The following PFAS variants were observed in gnomAD, a reference collection of about 807,000 sequenced individuals.
PFAS encodes FGAM synthase.
PFAS carries 97 observed loss-of-function variants against 140.6 expected under a neutral mutation model. The observed-to-expected ratio is 0.69, with a 90% CI of 0.59 to 0.82. The LOEUF (loss-of-function observed/expected upper bound fraction) is 0.82. PFAS is among the 40% of genes least tolerant of loss of function. The pLI is 0.00. For missense variants in PFAS, 1,656 were observed against 1,780.2 expected (o/e 0.93, Z 1.26); for synonymous variants, 679 against 718.8 (o/e 0.94, Z 0.88).
In PFAS at chr17:8,254,007, A is replaced by AGGAAACTGCAAG; in HGVS notation, c.80_91dup (p.Gln27_Leu30dup). The stretch of plus-strand genomic sequence containing the variant: ...GGGGGCAGCCCCTGGACACACTCGG[A>AGGAAACTGCAAG]GGAAACTGCAAGGGAAACTGCCAGA... On this transcript the variant is annotated inframe_insertion, in exon 2 of 28. Transcript: ENST00000314666. The AGGAAACTGCAAG allele has an allele frequency of 1.9e-6, 3 of 1,614,094 alleles. No homozygotes were observed. Among genetic ancestry groups the AGGAAACTGCAAG allele is most frequent in the Non-Finnish European group, 2.5e-6 (3 of 1,180,016 alleles).
In PFAS at chr17:8,267,516, C is replaced by T. The variant is rs1473811383; in HGVS notation, c.3268-35C>T. 1.5e-5 allele frequency: 24 copies of T among 1,587,178 alleles called. No homozygotes were observed. In the Admixed American group the frequency reaches 2.8e-4, roughly 19 times the overall value. Reference sequence around the variant, plus strand: ...TGATTGTCCAGCCTCAGCTGCGTGTCCTCCCACCCACACTCCCCCTCCCCA... The same window carrying T: ...TGATTGTCCAGCCTCAGCTGCGTGTTCTCCCACCCACACTCCCCCTCCCCA... On this transcript the variant is annotated intron_variant, in intron 25 of 27. Coordinates refer to ENST00000314666, the MANE Select transcript of PFAS (RefSeq NM_012393.3). This position sits in a 1 kb window ranked among gnomAD's most constrained non-coding sequence, Gnocchi z 4.9.
At position 8,268,850 on chromosome 17, in the gene PFAS, G is replaced by T. The variant is rs368785421; in HGVS notation, c.3700G>T (p.Gly1234Trp). The change falls in exon 27 of 28, where the codon GGG becomes TGG. Residue 1234 changes from glycine to tryptophan, a missense_variant. Gly to Trp is a radical substitution (Grantham distance 184). This residue lies in a region of PFAS where 883 missense variants were observed against 1,023.0 expected (regional missense o/e 0.86). Coordinates refer to ENST00000314666, the MANE Select transcript of PFAS (RefSeq NM_012393.3). ...GAVLPVWSAH[G>W]EGYVAFSSPE... ...CGTGCTGCCCGTGTGGAGTGCGCACGGGGAAGGTCAGGCCCAAGGAAGGCT... is the reference window on the plus strand; with the variant it reads ...CGTGCTGCCCGTGTGGAGTGCGCACTGGGAAGGTCAGGCCCAAGGAAGGCT... 6.2e-7 allele frequency: 1 copy of T among 1,609,498 alleles called. No homozygotes were observed. Among genetic ancestry groups the T allele is most frequent in the South Asian group, 1.1e-5 (1 of 91,042 alleles).
chr17:8,247,857 G>T, upstream of PFAS: 1 of 735,028 alleles, frequency 1.4e-6, no homozygotes, highest in Non-Finnish European at 2.4e-6. Flanking sequence ...CCAGTAAGAG[G>T]TAGGAGCGGA....
In PFAS at chr17:8,267,510, G is replaced by A. The variant is rs368985563; in HGVS notation, c.3268-41G>A. 21 of 1,594,018 alleles carry A rather than the reference G, an allele frequency of 1.3e-5. No homozygotes were observed. In the African/African-American group the frequency reaches 1.7e-4, roughly 13 times the overall value. ...TGGGGGTGATTGTCCAGCCTCAGCT[G>A]CGTGTCCTCCCACCCACACTCCCCC... On this transcript the variant is annotated intron_variant, in intron 25 of 27. Coordinates refer to ENST00000314666, the MANE Select transcript of PFAS (RefSeq NM_012393.3). This position sits in a 1 kb window ranked among gnomAD's most constrained non-coding sequence, Gnocchi z 4.9.
intron 1 of PFAS, among the ~76,000 whole-genome samples, chr17:8,251,348 C>T (rs1320260672): frequency 6.6e-6 from 1 of 152,052 alleles, no homozygotes; most frequent in Non-Finnish European, 1.5e-5. Context: ...GTGGCACAAT[C>T]GTAGCTCACT....
rs866028921 is a variant in PFAS, at chr17:8,265,075, G to A, written c.2230G>A (p.Val744Met). 1.4e-5 allele frequency: 22 copies of A among 1,613,272 alleles called. No homozygotes were observed. Among genetic ancestry groups the A allele is most frequent in the African/African-American group, 2.7e-5 (2 of 74,946 alleles). Reference protein sequence around the residue: ...LDPKVAARLAVAEALTNLVFA... With the variant: ...LDPKVAARLAMAEALTNLVFA... ...CCCAAAAGTCGCCGCCCGGCTGGCC[G>A]TGGCCGAAGCCCTCACCAACCTGGT... Residue 744 changes from valine to methionine, a missense_variant, in exon 18 of 28, where the codon GTG (valine) becomes ATG (methionine). Val to Met is a conservative substitution (Grantham distance 21, BLOSUM62 1). Transcript: ENST00000314666.
chr17:8,257,959 G>A (rs1989439022), intron 10 of PFAS, 21 bp downstream of exon 10: 1 of 1,613,564 alleles, frequency 6.2e-7, no homozygotes. Context: ...GGTGTGGAGG[G>A]ATGACAAACA....
chr17:8,257,445 A>G (rs1048354565), intron 9 of PFAS, among the ~76,000 whole-genome samples: 4 of 152,040 alleles, frequency 2.6e-5, no homozygotes, highest in Non-Finnish European at 4.4e-5. Flanking sequence ...AGTCCCAGCT[A>G]CTCAGGAGGC....
rs756156450 is a variant in PFAS at position 8,268,687 on chromosome 17, A to G, written c.3537A>G (p.Ala1179=). 7 of 1,613,376 alleles carry G rather than the reference A, an allele frequency of 4.3e-6. No individual in the cohort carries two copies. The highest frequency in any genetic ancestry group is 1.1e-5 in the South Asian group (1 of 91,076). Residue 1179 remains alanine, a synonymous_variant, in exon 27 of 28, where the codon GCA becomes GCG. Coordinates refer to ENST00000314666, the MANE Select transcript of PFAS (RefSeq NM_012393.3). Reference sequence around the variant, plus strand: ...GAGGCGACCCCAATGAGGATGCTGCAGAGATGGGCCCTGACTCCCAGCCAG... The same window carrying G: ...GAGGCGACCCCAATGAGGATGCTGCGGAGATGGGCCCTGACTCCCAGCCAG... The part of the protein sequence containing the change: ...WVGGDPNEDA[A]EMGPDSQPAR...
rs376361617 is a variant in PFAS, at chr17:8,268,499, C to T, written c.3383-34C>T. The T allele has an allele frequency of 3.2e-5, 49 of 1,536,354 alleles. No individual in the cohort carries two copies. In the East Asian group the frequency reaches 7.0e-4, roughly 22 times the overall value. On this transcript the variant is annotated intron_variant, in intron 26 of 27. Transcript: ENST00000314666. ...CCCAATTCCCTTTTTTGAGGTCCTC[C>T]ATGTCTCACCCTGACTTCCCTATTC...
rs936135014 is a variant in PFAS, at chr17:8,255,913, G to T, written c.680+3G>T. 5 of 1,602,304 alleles carry T rather than the reference G, an allele frequency of 3.1e-6. No homozygotes were observed. The African/African-American group carries it at 6.7e-5, about 21-fold the overall frequency. On this transcript the variant is annotated splice_donor_region_variant and intron_variant, in intron 6 of 27. Transcript: ENST00000314666. ...TTTGACTTGGCGCAGTCCAATAGGT[G>T]AGGAGAAATGGGGTTGTTCCCATAC...
In PFAS at chr17:8,263,808, T is replaced by TG; in HGVS notation, c.1669dup (p.Ala557GlyfsTer2). 4 of 1,614,086 alleles carry TG rather than the reference T, an allele frequency of 2.5e-6. No individual in the cohort carries two copies. The highest frequency in any genetic ancestry group is 3.4e-6 in the Non-Finnish European group (4 of 1,179,980). ...CCCAACCCTGAATGCCCTGGAAATC[T>TG]GGGGGGCTGAGTACCAGGAATCAAA... On this transcript the variant is annotated frameshift_variant, in exon 15 of 28. Coordinates refer to ENST00000314666, the MANE Select transcript of PFAS (RefSeq NM_012393.3). LOFTEE classifies it high-confidence loss of function.
upstream of PFAS, chr17:8,248,245 A>ATT (rs113481309): frequency 9.6e-4 from 450 of 466,984 alleles, no homozygotes; most frequent in Middle Eastern, 3.0e-3. Flanking sequence ...CTTTTCTCTG[A>ATT]TTTTTTTTTT....
Position 8,269,362 on chromosome 17 carries a change from A to AT in PFAS, c.*98_*99insT. 1 of 854,612 alleles carries AT rather than the reference A, an allele frequency of 1.2e-6. No individual in the cohort carries two copies. The highest frequency in any genetic ancestry group is 1.8e-6 in the Non-Finnish European group (1 of 551,906). 52.9% of individuals were successfully genotyped at this position (854,612 alleles called of 1,614,324 possible). On this transcript the variant is annotated 3_prime_UTR_variant, in exon 28 of 28. Coordinates refer to ENST00000314666, the MANE Select transcript of PFAS (RefSeq NM_012393.3). The stretch of plus-strand genomic sequence containing the variant: ...CAGGAGCACCCCATATTATTTCCAA[A>AT]AATATCTTGGACAGACAAGGACCAA...
Position 8,269,691 on chromosome 17 carries a change from T to G in PFAS, c.*427T>G, listed in dbSNP as rs188908581. On this transcript the variant is annotated 3_prime_UTR_variant, in exon 28 of 28. Coordinates refer to ENST00000314666, the MANE Select transcript of PFAS (RefSeq NM_012393.3). The stretch of plus-strand genomic sequence containing the variant: ...GGTGCAGACAAATTCAGCAATAGTA[T>G]GCAGATCAGCCCCTCACCACCTCAT... The G allele has an allele frequency of 2.8e-5, 5 of 178,150 alleles. No homozygotes were observed. Among genetic ancestry groups the G allele is most frequent in the Admixed American group, 2.1e-4 (4 of 18,640 alleles). 11.0% of individuals were successfully genotyped at this position (178,150 alleles called of 1,614,324 possible).
intron 20 of PFAS, 108 bp from the exon 21 acceptor site, chr17:8,265,754 G>C: frequency 1.5e-6 from 2 of 1,347,348 alleles, no homozygotes; most frequent in Non-Finnish European, 2.1e-6. Context: ...TTCTGGGACT[G>C]ATTGTCTAGG....
At chr17:8,247,799 A>G (rs1988883738), upstream of PFAS, 3 of 605,680 alleles carry the variant, frequency 5.0e-6, no homozygotes, top group Non-Finnish European at 9.1e-6. Flanking sequence ...GACCAGTTTA[A>G]GGCTCACAGC....
At chr17:8,255,257 G>C in intron 4 of PFAS, 125 bp downstream of exon 4, 1 of 728,740 alleles carries the variant, frequency 1.4e-6, no homozygotes, top group South Asian at 1.8e-5. Context: ...CGTACAAGTT[G>C]TTCACTGCCT....
chr17:8,252,577 A>AT (rs1002314721), intron 1 of PFAS, among the ~76,000 whole-genome samples: 6 of 146,950 alleles, frequency 4.1e-5, no homozygotes, highest in African/African-American at 1.3e-4. Flanking sequence ...CTAATTTTGT[A>AT]TTTTTTTTAG....
Sources: allele counts gnomAD v4.1 joint callset (sites outside exome capture counted in the v4.1 genomes callset), GRCh38; gene constraint gnomAD v4.1.1; regional missense constraint gnomAD v4.1.1; non-coding constraint Gnocchi (gnomAD v3.1); transcripts MANE v1.5; gene names NCBI Gene and HGNC (gene_info 2026-07-23, HGNC 2026-07-21).